Variants in IGSF21 observed in about 807,000 individuals in gnomAD.
The protein encoded by IGSF21 is immunoglobulin superfamily member 21.
A neutral mutation model predicts 46.8 loss-of-function variants in IGSF21; 28 were observed. That is an observed-to-expected ratio of 0.60 (90% confidence interval 0.44 to 0.82). The LOEUF is 0.82. Ranked by LOEUF, IGSF21 falls within the 40% of genes least tolerant of loss-of-function variation. The pLI is 0.00. For synonymous variants in IGSF21, 284 were observed against 273.6 expected, an observed-to-expected ratio of 1.04 and a Z score of -0.38; for missense variants, 624 against 665.5, an observed-to-expected ratio of 0.94 and a Z score of 0.69.
At chr1:18,250,731 A>G (rs1435700845) in intron 2 of IGSF21, among the ~76,000 whole-genome samples, 2 of 152,190 alleles carry the variant, frequency 1.3e-5, no homozygotes, top group Non-Finnish European at 2.9e-5. Context: ...ACAGAGCCAT[A>G]AAAGTTAATA....
chr1:18,239,862 CA>C (rs2084709579), intron 2 of IGSF21, among the ~76,000 whole-genome samples: 1 of 152,124 alleles, frequency 6.6e-6, no homozygotes, highest in Non-Finnish European at 1.5e-5. Flanking sequence ...ATAACACTCT[CA>C]AAATACTAAG....
At chr1:18,294,253 C>A (rs1014889598) in intron 3 of IGSF21, among the ~76,000 whole-genome samples, 3 of 152,122 alleles carry the variant, frequency 2.0e-5, no homozygotes, top group African/African-American at 7.2e-5. Context: ...GAGCTGATGG[C>A]GTGCATTCAA....
At chr1:18,172,275 A>G (rs1250310723) in intron 1 of IGSF21, among the ~76,000 whole-genome samples, 2 of 152,240 alleles carry the variant, frequency 1.3e-5, no homozygotes, top group Non-Finnish European at 2.9e-5. Flanking sequence ...TCTATTAATT[A>G]AAGTTTGGTA....
intron 4 of IGSF21, among the ~76,000 whole-genome samples, chr1:18,359,386 GGAA>G (rs1186518333): frequency 5.2e-5 from 3 of 57,854 alleles, no homozygotes; most frequent in Non-Finnish European, 1.1e-4. Flanking sequence ...AAGAAAGAAA[GGAA>G]GGAAGGAAGG....
intron 2 of IGSF21, chr1:18,278,838 G>A (rs145893772): frequency 1.8e-4 from 87 of 471,252 alleles, no homozygotes; most frequent in African/African-American, 1.4e-3. Flanking sequence ...TTACAGGCAC[G>A]AGCCACTGCA....
Position 18,267,678 on chromosome 1 carries a change from T to C in IGSF21, c.184-24188T>C, listed in dbSNP as rs560250994. 2.1e-4 allele frequency among the ~76,000 whole-genome samples: 32 copies of C among 152,302 alleles called. No individual in the cohort carries two copies. The South Asian group carries it at 3.1e-3, about 15-fold the overall frequency. On this transcript the variant is annotated intron_variant, in intron 2 of 9. Coordinates refer to ENST00000251296, the MANE Select transcript of IGSF21 (RefSeq NM_032880.5). ...CTTTCCCAGACACTGAGCTCTCAGA[T>C]CACGGGCCCTAGGTGGAGGCTGCTT...
intron 3 of IGSF21, among the ~76,000 whole-genome samples, chr1:18,312,679 A>G (rs1016622127): frequency 3.9e-5 from 6 of 152,130 alleles, no homozygotes; most frequent in African/African-American, 9.7e-5. Context: ...TCTCCCTCCA[A>G]TAAGGACATT....
chr1:18,143,931 C>G (rs1037926358), intron 1 of IGSF21, among the ~76,000 whole-genome samples: 1 of 152,054 alleles, frequency 6.6e-6, no homozygotes, highest in Non-Finnish European at 1.5e-5. Context: ...GGGGCTGGAG[C>G]TATGACTCTT....
At chr1:18,182,615 T>C (rs1190285894) in intron 1 of IGSF21, among the ~76,000 whole-genome samples, 6 of 152,204 alleles carry the variant, frequency 3.9e-5, no homozygotes, top group African/African-American at 1.4e-4. Context: ...AAGTGACTCA[T>C]TGTGAGAGCA....
intron 1 of IGSF21, among the ~76,000 whole-genome samples, chr1:18,153,169 G>A (rs1424093467): frequency 6.6e-6 from 1 of 152,174 alleles, no homozygotes; most frequent in Non-Finnish European, 1.5e-5. Context: ...CCGCTCTGCT[G>A]GCTTAGAACA....
chr1:18,335,036 G>T lies in IGSF21; in HGVS notation c.424+26G>T, dbSNP rs1454340199. ...GTGAGTGCAGGGCCACTGGCCCCTG[G>T]TGTCTCAGTGAGGAGGACGAGTATG... On this transcript the variant is annotated intron_variant, in intron 4 of 9. Transcript: ENST00000251296. The surrounding 1 kb of genome is among the most constrained non-coding windows in gnomAD (Gnocchi z 4.8). 1.3e-6 allele frequency: 2 copies of T among 1,543,196 alleles called. No homozygotes were observed. Among genetic ancestry groups the T allele is most frequent in the East Asian group, 4.5e-5 (2 of 44,528 alleles).
chr1:18,153,064 G>A (rs2086535139), intron 1 of IGSF21, among the ~76,000 whole-genome samples: 1 of 152,190 alleles, frequency 6.6e-6, no homozygotes, highest in Non-Finnish European at 1.5e-5. Flanking sequence ...GACAGCCCCA[G>A]GTTTGGGGGC....
At chr1:18,250,068 TC>T (rs1400048626) in intron 2 of IGSF21, among the ~76,000 whole-genome samples, 2 of 24,026 alleles carry the variant, frequency 8.3e-5, no homozygotes, top group African/African-American at 1.6e-4. Context: ...CCCTCCTCCC[TC>T]CCCCCTTCCA....
intron 2 of IGSF21, among the ~76,000 whole-genome samples, chr1:18,275,199 G>T (rs185521453): frequency 1.8e-3 from 280 of 152,328 alleles, no homozygotes; most frequent in Non-Finnish European, 3.0e-3. Flanking sequence ...GCTCTTGCAG[G>T]CTCTGGGCAG....
rs2085754419 is a variant in IGSF21, at chr1:18,335,207, GCCCCCCATGGGC to G, written c.424+199_424+210del. Among the ~76,000 whole-genome samples the G allele has an allele frequency of 6.6e-6, 1 of 152,142 alleles. No homozygotes were observed. Among genetic ancestry groups the G allele is most frequent in the African/African-American group, 2.4e-5 (1 of 41,432 alleles). On this transcript the variant is annotated intron_variant, in intron 4 of 9. Coordinates refer to ENST00000251296, the MANE Select transcript of IGSF21 (RefSeq NM_032880.5). This position sits in a 1 kb window ranked among gnomAD's most constrained non-coding sequence, Gnocchi z 4.8. Reference sequence around the variant, plus strand: ...GCCAAGGTGTGACCCGTGAAGTCTTGCCCCCCATGGGCCTCCCCTCAGGAGGTCCCCTTCTCA... The same window carrying G: ...GCCAAGGTGTGACCCGTGAAGTCTTGCTCCCCTCAGGAGGTCCCCTTCTCA...
chr1:18,136,226 G>A (rs2086366710), intron 1 of IGSF21, among the ~76,000 whole-genome samples: 1 of 152,128 alleles, frequency 6.6e-6, no homozygotes, highest in Non-Finnish European at 1.5e-5. Context: ...CACTCTGATG[G>A]TGGTTTCTTT....
intron 2 of IGSF21, among the ~76,000 whole-genome samples, chr1:18,248,741 C>T (rs537474203): frequency 4.2e-4 from 64 of 152,248 alleles, no homozygotes; most frequent in African/African-American, 1.5e-3. Flanking sequence ...TTACCGGGCC[C>T]CTACAGGGGT....
At chr1:18,161,212 G>A (rs894960282) in intron 1 of IGSF21, among the ~76,000 whole-genome samples, 3 of 152,082 alleles carry the variant, frequency 2.0e-5, no homozygotes, top group African/African-American at 2.4e-5. Flanking sequence ...GTCCCTACGG[G>A]GCCCTCCCAG....
intron 5 of IGSF21, among the ~76,000 whole-genome samples, chr1:18,363,666 C>A (rs2086127800): frequency 6.6e-6 from 1 of 150,402 alleles, no homozygotes; most frequent in African/African-American, 2.5e-5. Flanking sequence ...GAGCAATGGG[C>A]AGGGGCACAG....
Sources: allele counts gnomAD v4.1 joint callset (sites outside exome capture counted in the v4.1 genomes callset), GRCh38; gene constraint gnomAD v4.1.1; non-coding constraint Gnocchi (gnomAD v3.1); transcripts MANE v1.5; gene names NCBI Gene and HGNC (gene_info 2026-07-23, HGNC 2026-07-21).